The following BBS9 variants were observed in gnomAD, a reference collection of about 807,000 sequenced individuals.
BBS9 encodes the protein Bardet-Biedl syndrome 9.
Under a neutral mutation model 117.7 loss-of-function variants are expected in BBS9, and 89 were observed. The observed-to-expected ratio is 0.76, with a 90% CI of 0.64 to 0.90. The LOEUF is 0.90. Ranked by LOEUF, BBS9 falls within the 40% of genes least tolerant of loss-of-function variation. The probability of loss-of-function intolerance (pLI) is 0.00; values close to 1 mark genes in which losing one functional copy is unlikely to be tolerated. For missense variants in BBS9, 982 were observed against 1,042.2 expected, an observed-to-expected ratio of 0.94 and a Z score of 0.80; for synonymous variants, 379 against 370.9, an observed-to-expected ratio of 1.02 and a Z score of -0.25.
At chr7:33,288,959 C>G (rs1312659707) in intron 9 of BBS9, among the ~76,000 whole-genome samples, 5 of 152,134 alleles carry the variant, frequency 3.3e-5, no homozygotes, top group African/African-American at 1.2e-4. Flanking sequence ...CAGCTAATTA[C>G]AGCCTAAGTG....
chr7:33,406,086 C>T (rs985743661), intron 19 of BBS9, among the ~76,000 whole-genome samples: 2 of 152,248 alleles, frequency 1.3e-5, no homozygotes, highest in Middle Eastern at 6.8e-3. Flanking sequence ...TTTCTGCCTT[C>T]ATTTCGTTAT....
chr7:33,608,378 A>G (rs139516693), downstream of BBS9, among the ~76,000 whole-genome samples: 1 of 152,154 alleles, frequency 6.6e-6, no homozygotes, highest in African/African-American at 2.4e-5. Context: ...TGGTAGAATT[A>G]TTTATTTTCT....
chr7:33,533,598 C>A, intron 20 of BBS9: 2 of 273,216 alleles, frequency 7.3e-6, no homozygotes, highest in Middle Eastern at 1.3e-3. Context: ...CAGCTTTACC[C>A]ACCAGATCAT....
intron 21 of BBS9, among the ~76,000 whole-genome samples, chr7:33,632,213 C>T (rs1317111912): frequency 1.3e-5 from 2 of 152,166 alleles, no homozygotes; most frequent in Non-Finnish European, 1.5e-5. Flanking sequence ...TTACTTGGCG[C>T]TCGCCCTGCC....
intron 21 of BBS9, among the ~76,000 whole-genome samples, chr7:33,584,035 G>A (rs953456274): frequency 1.2e-4 from 18 of 151,876 alleles, no homozygotes; most frequent in African/African-American, 4.4e-4. Context: ...CATGAAGAAT[G>A]TTATTTAAAG....
chr7:33,538,893 C>A (rs1468656740), intron 21 of BBS9, among the ~76,000 whole-genome samples: 1 of 151,918 alleles, frequency 6.6e-6, no homozygotes, highest in African/African-American at 2.4e-5. Flanking sequence ...GAACAAGTTA[C>A]TTAGTCTGTC....
chr7:33,564,056 T>A (rs955130033), intron 21 of BBS9, among the ~76,000 whole-genome samples: 1 of 152,164 alleles, frequency 6.6e-6, no homozygotes, highest in Non-Finnish European at 1.5e-5. Flanking sequence ...AAAAATTTCA[T>A]TATGTTACTG....
chr7:33,518,701 G>A (rs1382309528), intron 20 of BBS9, among the ~76,000 whole-genome samples: 1 of 152,062 alleles, frequency 6.6e-6, no homozygotes, highest in Non-Finnish European at 1.5e-5. Flanking sequence ...TGACTGTATA[G>A]ACTCAAATTT....
intron 9 of BBS9, among the ~76,000 whole-genome samples, chr7:33,281,146 T>G (rs1801806877): frequency 1.3e-5 from 2 of 151,748 alleles, no homozygotes; most frequent in Admixed American, 6.6e-5. Flanking sequence ...CATTACTATA[T>G]TTTTCTGTCA....
At chr7:33,257,469 A>T in intron 6 of BBS9, 59 bp downstream of exon 6, 1 of 1,520,110 alleles carries the variant, frequency 6.6e-7, no homozygotes, top group Non-Finnish European at 9.1e-7. Context: ...GTTGCTGACT[A>T]ATTTTTGTCC....
chr7:33,576,593 T>C (rs908151591), intron 21 of BBS9, among the ~76,000 whole-genome samples: 11 of 152,052 alleles, frequency 7.2e-5, no homozygotes, highest in African/African-American at 2.4e-4. Context: ...GAGCCCGCTT[T>C]GCCAAGACAA....
chr7:33,298,243 A>C (rs1279896183), intron 9 of BBS9, among the ~76,000 whole-genome samples: 5 of 151,970 alleles, frequency 3.3e-5, no homozygotes, highest in African/African-American at 1.2e-4. Context: ...AAAGCAGAAG[A>C]CTCCGACCAT....
chr7:33,516,951 A>G (rs1455197055), intron 20 of BBS9, among the ~76,000 whole-genome samples: 1 of 152,172 alleles, frequency 6.6e-6, no homozygotes, highest in Non-Finnish European at 1.5e-5. Flanking sequence ...CATTTTTTGC[A>G]TTTGGAGTGG....
At chr7:33,561,880 C>G (rs1856135694) in intron 21 of BBS9, among the ~76,000 whole-genome samples, 1 of 152,164 alleles carries the variant, frequency 6.6e-6, no homozygotes. Context: ...GTATTTTCCA[C>G]TGATGGCTAT....
At chr7:33,471,690 G>A (rs1053645246) in intron 19 of BBS9, among the ~76,000 whole-genome samples, 15 of 152,246 alleles carry the variant, frequency 9.9e-5, no homozygotes, top group African/African-American at 3.6e-4. Context: ...CAACAGCCAC[G>A]CTGGAGACTG....
In BBS9 at chr7:33,215,607, G is replaced by GCA. The variant is rs1788894259; in HGVS notation, c.442+38027_442+38028dup. The stretch of plus-strand genomic sequence containing the variant: ...TTGGGAGATTGGTCTGGGCAGAAAT[G>GCA]CACACACACACATAGACACACACAG... On this transcript the variant is annotated intron_variant, in intron 5 of 22. Coordinates refer to ENST00000242067, the MANE Select transcript of BBS9 (RefSeq NM_198428.3). Among the ~76,000 whole-genome samples, 4 of 151,824 alleles carry GCA rather than the reference G, an allele frequency of 2.6e-5. No homozygotes were observed. The South Asian group carries it at 6.2e-4, about 24-fold the overall frequency.
intron 16 of BBS9, among the ~76,000 whole-genome samples, chr7:33,362,445 T>C (rs1313690359): frequency 1.3e-5 from 2 of 152,290 alleles, no homozygotes; most frequent in East Asian, 3.9e-4. Context: ...TATTTATGTG[T>C]GATGTGAGGG....
At chr7:33,514,612 A>G (rs1847460565) in intron 20 of BBS9, among the ~76,000 whole-genome samples, 1 of 152,222 alleles carries the variant, frequency 6.6e-6, no homozygotes, top group Non-Finnish European at 1.5e-5. Flanking sequence ...CTGTAACATA[A>G]AACACATCGA....
intron 5 of BBS9, among the ~76,000 whole-genome samples, chr7:33,251,937 C>T (rs1562878914): frequency 6.6e-6 from 1 of 152,146 alleles, no homozygotes; most frequent in African/African-American, 2.4e-5. Context: ...TTAGGCTGTT[C>T]TCGCATTGCT....
Sources: allele counts gnomAD v4.1 joint callset (sites outside exome capture counted in the v4.1 genomes callset), GRCh38; gene constraint gnomAD v4.1.1; transcripts MANE v1.5; gene names NCBI Gene and HGNC (gene_info 2026-07-23, HGNC 2026-07-21).